ZNF658: variants seen among roughly 807,000 people sequenced by gnomAD.
ZNF658 encodes the protein zinc finger protein 658.
In ZNF658, 46 loss-of-function variants were observed where a neutral mutation model predicts 78.0. The ratio of observed to expected loss-of-function variants is 0.59; its 90% CI spans 0.47 to 0.75. The LOEUF is 0.75. ZNF658 is among the 30% of genes least tolerant of loss of function. The pLI, the probability that ZNF658 is intolerant of heterozygous loss-of-function variation, is 0.00. For missense variants in ZNF658, 785 were observed against 1,189.3 expected (o/e 0.66, Z 5.00); for synonymous variants, 279 against 408.4 (o/e 0.68, Z 3.82).
In ZNF658 at chr9:66,918,954, C is replaced by A; in HGVS notation, c.1388C>A (p.Thr463Lys). 1 of 1,456,654 alleles carries A rather than the reference C, an allele frequency of 6.9e-7. No homozygotes were observed. Among genetic ancestry groups the A allele is most frequent in the Non-Finnish European group, 9.4e-7 (1 of 1,064,826 alleles). The allele number at this position is 1,456,654 out of a possible 1,614,324, so 90.2% of individuals were successfully genotyped here. ...CTCAGTAAACATCTGAGAATTCACA[C>A]AAAAGAGAAACCTTGTGATAACAAT... is the stretch of plus-strand genomic sequence containing the variant. ...SNLSKHLRIH[T>K]KEKPCDNNGC... Residue 463 changes from threonine to lysine, a missense_variant, in exon 5 of 5, where the codon ACA becomes AAA. Coordinates refer to ENST00000621410, the MANE Select transcript of ZNF658 (RefSeq NM_033160.7).
chr9:66,906,011 CT>C lies in ZNF658; in HGVS notation c.16-2225del, dbSNP rs1822071654. On this transcript the variant is annotated intron_variant, in intron 2 of 4. Coordinates refer to ENST00000621410, the MANE Select transcript of ZNF658 (RefSeq NM_033160.7). ...TAAGGTGGCAACTCTAGAAAACTTT[CT>C]TGATTTGCAGGAGTTGTTGTTGAAA... is the stretch of plus-strand genomic sequence containing the variant. 2.0e-5 allele frequency among the ~76,000 whole-genome samples: 3 copies of C among 148,770 alleles called. No homozygotes were observed. The South Asian group carries it at 6.4e-4, about 32-fold the overall frequency.
chr9:66,904,279 TG>T (rs1231409544), intron 2 of ZNF658, among the ~76,000 whole-genome samples: 1 of 152,124 alleles, frequency 6.6e-6, no homozygotes, highest in Non-Finnish European at 1.5e-5. Flanking sequence ...TCAAATCCAG[TG>T]GATGTGGTCT....
chr9:66,903,804 C>T (rs1822008778), intron 2 of ZNF658, among the ~76,000 whole-genome samples: 3 of 151,918 alleles, frequency 2.0e-5, no homozygotes, highest in Admixed American at 1.3e-4. Context: ...AGGTTATTGA[C>T]AGTCATGGTG....
chr9:66,920,987 T>G lies in ZNF658; in HGVS notation c.*241T>G, dbSNP rs990810902. ...CTCACAGTCTTCCTGGTTCATAAGATGGATTTGGAGGTTATTTCTGCAGCA... is the reference window on the plus strand; with the variant it reads ...CTCACAGTCTTCCTGGTTCATAAGAGGGATTTGGAGGTTATTTCTGCAGCA... On this transcript the variant is annotated 3_prime_UTR_variant, in exon 5 of 5. Transcript: ENST00000621410. 3.5e-6 allele frequency: 2 copies of G among 571,470 alleles called. No homozygotes were observed. Among genetic ancestry groups the G allele is most frequent in the African/African-American group, 3.8e-5 (2 of 52,914 alleles). 35.4% of individuals were successfully genotyped at this position (571,470 alleles called of 1,614,324 possible). A position where few individuals can be genotyped will look rare whatever the true frequency, so the allele number is the denominator to read the frequency against.
chr9:66,930,549 C>A (rs1393744272), intron 6 of ZNF658, among the ~76,000 whole-genome samples: 1 of 151,608 alleles, frequency 6.6e-6, no homozygotes, highest in East Asian at 2.0e-4. Flanking sequence ...GTGGCTCACG[C>A]CTGTAATCCC....
rs775086181 is a variant in ZNF658 at position 66,908,235 on chromosome 9, C to G, written c.16-3C>G. ...ATATTTGTTGTGATAAATGTTGTTA[C>G]AGGCATCAGTGTCATTCCAGGACGT... On this transcript the variant is annotated splice_region_variant and splice_polypyrimidine_tract_variant and intron_variant, in intron 2 of 4. Coordinates refer to ENST00000621410, the MANE Select transcript of ZNF658 (RefSeq NM_033160.7). The G allele has an allele frequency of 6.2e-7, 1 of 1,613,928 alleles. No individual in the cohort carries two copies. The highest frequency in any genetic ancestry group is 1.7e-5 in the Admixed American group (1 of 59,988).
intron 4 of ZNF658, 21 bp downstream of exon 4, chr9:66,908,755 G>A (rs1280382632): frequency 1.2e-6 from 2 of 1,609,808 alleles, no homozygotes; most frequent in African/African-American, 2.7e-5. Flanking sequence ...ATTAACAGAA[G>A]GAGCCCCCTG....
rs1199925547 is a variant in ZNF658 at position 66,915,118 on chromosome 9, A to G, written c.239-2687A>G. On this transcript the variant is annotated intron_variant, in intron 4 of 4. Coordinates refer to ENST00000621410, the MANE Select transcript of ZNF658 (RefSeq NM_033160.7). ...ATACACATATATAGAGGAAGATTTC[A>G]TTACATTCTTAAGCCTTATTTACAT... Among the ~76,000 whole-genome samples the G allele has an allele frequency of 4.0e-5, 6 of 151,710 alleles. No homozygotes were observed. In the South Asian group the frequency reaches 1.2e-3, roughly 32 times the overall value.
chr9:66,930,716 C>T (rs910911190), intron 6 of ZNF658, among the ~76,000 whole-genome samples: 8 of 151,962 alleles, frequency 5.3e-5, no homozygotes. Flanking sequence ...TTCAACATTT[C>T]CAGAAAGATG....
At chr9:66,908,463 A>T in intron 3 of ZNF658, 99 bp downstream of exon 3, 2 of 1,559,916 alleles carry the variant, frequency 1.3e-6, no homozygotes, top group Admixed American at 4.1e-5. Flanking sequence ...AGGGCTTTGG[A>T]TTAAAAGGTT....
intron 4 of ZNF658, 28 bp downstream of exon 4, chr9:66,908,762 C>A (rs538215386): frequency 1.2e-6 from 2 of 1,604,970 alleles, no homozygotes; most frequent in Admixed American, 3.5e-5. Context: ...GAAGGAGCCC[C>A]CTGGGGGTAC....
At chr9:66,910,851 A>G (rs1034120356) in intron 4 of ZNF658, among the ~76,000 whole-genome samples, 2 of 149,424 alleles carry the variant, frequency 1.3e-5, no homozygotes, top group African/African-American at 5.0e-5. Flanking sequence ...TAAAGATAAA[A>G]TAATGTAGAT....
At chr9:66,907,779 TG>T in intron 2 of ZNF658, among the ~76,000 whole-genome samples, 1 of 152,316 alleles carries the variant, frequency 6.6e-6, no homozygotes, top group South Asian at 2.1e-4. Flanking sequence ...AGTGTTCTTT[TG>T]TGCCAGTCTC....
In ZNF658 at chr9:66,918,039, A is replaced by T; in HGVS notation, c.473A>T (p.Lys158Ile). 6.3e-7 allele frequency: 1 copy of T among 1,599,176 alleles called. No homozygotes were observed. Among genetic ancestry groups the T allele is most frequent in the Non-Finnish European group, 8.5e-7 (1 of 1,174,880 alleles). Residue 158 changes from lysine (K) to isoleucine (I), a missense_variant, in exon 5 of 5, where the codon AAA (lysine) becomes ATA (isoleucine). Transcript: ENST00000621410. ...TCTCAATTAATTATAAGTGAAAGAA[A>T]ATATTCAAGAAAGAAGACTGAATAC... is the stretch of plus-strand genomic sequence containing the variant. ...VASQLIISER[K>I]YSRKKTEYMN...
intron 1 of ZNF658, 169 bp from the exon 2 acceptor site, chr9:66,903,349 T>G (rs944271677): frequency 2.2e-6 from 1 of 451,828 alleles, no homozygotes; most frequent in Admixed American, 3.6e-5. Context: ...GTGCGATGAT[T>G]TTTTTTTTTA....
chr9:66,923,751 A>T (rs1156951060), downstream of ZNF658, among the ~76,000 whole-genome samples: 4 of 150,870 alleles, frequency 2.7e-5, no homozygotes, highest in East Asian at 7.9e-4. Context: ...AACTCAGTTA[A>T]TTCTCTCCCG....
rs1484274081 is a variant in ZNF658 at position 66,918,493 on chromosome 9, G to A, written c.927G>A (p.Lys309=). 5.0e-6 allele frequency: 8 copies of A among 1,606,786 alleles called. 1 individual carries two copies. Among genetic ancestry groups the A allele is most frequent in the South Asian group, 3.3e-5 (3 of 90,748 alleles). ...CNERGINFSR[K]SPLTQSQRTI... Reference sequence around the variant, plus strand: ...AAAGGGGGATTAATTTCAGTAGGAAGTCACCCCTCACTCAATCTCAGAGAA... The same window carrying A: ...AAAGGGGGATTAATTTCAGTAGGAAATCACCCCTCACTCAATCTCAGAGAA... Residue 309 remains lysine (K), a synonymous_variant, in exon 5 of 5, where the codon AAG becomes AAA. Transcript: ENST00000621410.
intron 6 of ZNF658, chr9:66,931,935 T>C (rs1048882564): frequency 1.3e-5 from 2 of 151,732 alleles, no homozygotes; most frequent in African/African-American, 2.4e-5. Context: ...TTAATGAGGC[T>C]AAGTTGAAGA....
chr9:66,910,637 T>C (rs1375704435), intron 4 of ZNF658, among the ~76,000 whole-genome samples: 1 of 151,938 alleles, frequency 6.6e-6, no homozygotes, highest in East Asian at 1.9e-4. Context: ...TGAAACCCTG[T>C]CTCTACTAAA....
Sources: gnomAD v4.1 joint callset for allele counts (sites outside exome capture counted in the v4.1 genomes callset) on GRCh38, gnomAD v4.1.1 for gene constraint, MANE v1.5 for transcripts, NCBI Gene and HGNC (gene_info 2026-07-23, HGNC 2026-07-21) for gene names.